Variants in FA2H observed in about 807,000 individuals in gnomAD.
The protein encoded by FA2H is fatty acid alpha-hydroxylase.
Under a neutral mutation model 44.9 loss-of-function variants are expected in FA2H, and 22 were observed. That is an observed-to-expected ratio of 0.49 (90% confidence interval 0.35 to 0.70). The LOEUF is 0.70. Among genes scored for constraint, FA2H ranks in the 30% least tolerant of loss-of-function variants. FA2H has a pLI of 0.01. For missense variants in FA2H, 501 were observed against 504.9 expected (o/e 0.99, Z 0.07); for synonymous variants, 243 against 213.2 (o/e 1.14, Z -1.22).
At position 74,716,557 on chromosome 16, in the gene FA2H, C is replaced by T; in HGVS notation, c.829G>A (p.Ala277Thr). The T allele has an allele frequency of 6.2e-7, 1 of 1,601,536 alleles. No homozygotes were observed. The highest frequency in any genetic ancestry group is 8.5e-7 in the Non-Finnish European group (1 of 1,174,394). ...TAGAAGACGCCGATCACCAGGGAGG[C>T]TGGCACAGGGGGGAAGACCAGGCGG... is the stretch of plus-strand genomic sequence containing the variant. ...GSRLVFPPVP[A>T]SLVIGVFYLC... The change falls in exon 6 of 7, where the codon GCC becomes ACC. Residue 277 changes from alanine (A) to threonine (T), a missense_variant. Physicochemically the swap from Ala to Thr is moderately conservative, Grantham distance 58 (BLOSUM62 0). Coordinates refer to ENST00000219368, the MANE Select transcript of FA2H (RefSeq NM_024306.5).
chr16:74,754,185 C>T (rs1252142655), intron 1 of FA2H, among the ~76,000 whole-genome samples: 1 of 152,168 alleles, frequency 6.6e-6, no homozygotes, highest in Non-Finnish European at 1.5e-5. Context: ...CACTTGAGGT[C>T]GGGAGTTCAA....
chr16:74,759,297 T>G (rs906981396), intron 1 of FA2H, among the ~76,000 whole-genome samples: 1 of 152,208 alleles, frequency 6.6e-6, no homozygotes, highest in African/African-American at 2.4e-5. Flanking sequence ...GACCAGCCAC[T>G]GCCGTAGAGA....
intron 4 of FA2H, among the ~76,000 whole-genome samples, chr16:74,723,263 CTGCCTGCCGCCACACT>C (rs1461408609): frequency 2.1e-4 from 32 of 152,372 alleles, no homozygotes; most frequent in African/African-American, 6.7e-4. Flanking sequence ...GCTCCCCCTT[CTGCCTGCCGCCACACT>C]TGGCTTTTCT....
chr16:74,773,444 T>C (rs1425831755), intron 1 of FA2H, among the ~76,000 whole-genome samples: 1 of 152,150 alleles, frequency 6.6e-6, no homozygotes, highest in Non-Finnish European at 1.5e-5. Context: ...ATGTATCCCC[T>C]TGGACAAGGG....
At chr16:74,717,867 G>A (rs1244717236) in intron 5 of FA2H, among the ~76,000 whole-genome samples, 3 of 152,206 alleles carry the variant, frequency 2.0e-5, no homozygotes, top group African/African-American at 4.8e-5. Context: ...ACAGGGCAGT[G>A]GATCTGAAAA....
At chr16:74,743,504 G>A (rs976718972) in intron 1 of FA2H, among the ~76,000 whole-genome samples, 4 of 152,170 alleles carry the variant, frequency 2.6e-5, no homozygotes, top group African/African-American at 9.7e-5. Flanking sequence ...GTCATGCCTC[G>A]AGCGGCTCCA....
At chr16:74,770,333 C>T (rs533043757) in intron 1 of FA2H, among the ~76,000 whole-genome samples, 1 of 152,264 alleles carries the variant, frequency 6.6e-6, no homozygotes, top group African/African-American at 2.4e-5. Flanking sequence ...AAAGGATATC[C>T]CACCCCCAGA....
chr16:74,759,533 G>A (rs1962669517), intron 1 of FA2H, among the ~76,000 whole-genome samples: 1 of 152,198 alleles, frequency 6.6e-6, no homozygotes. Context: ...TGTTTGTTGA[G>A]CACACCTGTG....
chr16:74,716,323 T>A, intron 6 of FA2H, 24 bp downstream of exon 6: 4 of 1,612,016 alleles, frequency 2.5e-6, no homozygotes, highest in Non-Finnish European at 3.4e-6. Flanking sequence ...CATAGGGGGC[T>A]GGGAAGCACA....
chr16:74,714,609 G>A (rs747881496), intron 6 of FA2H, among the ~76,000 whole-genome samples: 1 of 149,268 alleles, frequency 6.7e-6, no homozygotes, highest in Non-Finnish European at 1.5e-5. Context: ...CTCTTGGGAC[G>A]CCAGATGCTG....
intron 1 of FA2H, among the ~76,000 whole-genome samples, chr16:74,770,474 G>C (rs1040005260): frequency 6.6e-6 from 1 of 152,148 alleles, no homozygotes; most frequent in African/African-American, 2.4e-5. Flanking sequence ...CGCCTCCTGG[G>C]CTCCAGTGAT....
rs183694806 is a variant in FA2H, at chr16:74,763,268, T to C, written c.270+11218A>G. ...TATTAACGTTTGGAATTTTTTTTTGTTTTTTTTGAGACAGAGTCTCATTCT... is the reference window on the plus strand; with the variant it reads ...TATTAACGTTTGGAATTTTTTTTTGCTTTTTTTGAGACAGAGTCTCATTCT... On this transcript the variant is annotated intron_variant, in intron 1 of 6. Transcript: ENST00000219368. 6.6e-5 allele frequency among the ~76,000 whole-genome samples: 10 copies of C among 151,990 alleles called. No homozygotes were observed. In the East Asian group the frequency reaches 1.9e-3, roughly 29 times the overall value.
intron 1 of FA2H, among the ~76,000 whole-genome samples, chr16:74,772,887 T>C (rs1962934273): frequency 6.6e-6 from 1 of 152,102 alleles, no homozygotes; most frequent in Admixed American, 6.5e-5. Flanking sequence ...CATCTTATTA[T>C]CTTTTTTTTT....
intron 1 of FA2H, among the ~76,000 whole-genome samples, chr16:74,751,890 A>G (rs1400684784): frequency 6.6e-6 from 1 of 152,158 alleles, no homozygotes; most frequent in Non-Finnish European, 1.5e-5. Context: ...TTCAATCAGT[A>G]TTCAAAATCT....
Position 74,774,579 on chromosome 16 carries a change from GCTGATGTCCTGGCCCGCC to G in FA2H, c.159_176del (p.Arg53_Ile58del), listed in dbSNP as rs759947457. 11 of 1,538,882 alleles carry G rather than the reference GCTGATGTCCTGGCCCGCC, an allele frequency of 7.1e-6. No homozygotes were observed. In the South Asian group the frequency reaches 1.3e-4, roughly 19 times the overall value. ...TGTGCGGCGGCCCGTCCAGGTCGGC[GCTGATGTCCTGGCCCGCC>G]CTGGCCCGCAGCAGCTGCTCGCCCC... On this transcript the variant is annotated inframe_deletion, in exon 1 of 7. Coordinates refer to ENST00000219368, the MANE Select transcript of FA2H (RefSeq NM_024306.5).
intron 1 of FA2H, among the ~76,000 whole-genome samples, chr16:74,760,881 T>C (rs1162916420): frequency 6.6e-6 from 1 of 152,152 alleles, no homozygotes; most frequent in African/African-American, 2.4e-5. Flanking sequence ...TGGAGACCCA[T>C]ATTGCAGGAT....
chr16:74,741,818 G>A (rs371462923), intron 1 of FA2H, among the ~76,000 whole-genome samples: 142 of 89,628 alleles, frequency 1.6e-3, no homozygotes, highest in African/African-American at 2.0e-3. Context: ...ATGTGTGTGT[G>A]TGTGTGTGTG....
At chr16:74,741,506 T>C (rs1196740281) in intron 1 of FA2H, among the ~76,000 whole-genome samples, 2 of 152,142 alleles carry the variant, frequency 1.3e-5, no homozygotes, top group Non-Finnish European at 2.9e-5. Context: ...AGACTCTTGC[T>C]CTGTCACCCA....
intron 5 of FA2H, 159 bp from the exon 6 acceptor site, chr16:74,716,758 G>C: frequency 1.4e-6 from 1 of 738,594 alleles, no homozygotes; most frequent in Non-Finnish European, 2.1e-6. Context: ...GGGCCACCAC[G>C]TCTGGAAGAT....
Sources: gnomAD v4.1 joint callset for allele counts (sites outside exome capture counted in the v4.1 genomes callset) on GRCh38, gnomAD v4.1.1 for gene constraint, MANE v1.5 for transcripts, NCBI Gene and HGNC (gene_info 2026-07-23, HGNC 2026-07-21) for gene names.